TAF1B: variants seen among roughly 807,000 people sequenced by gnomAD.
TAF1B encodes TATA-box binding protein associated factor, RNA polymerase I subunit B.
In TAF1B, 61 loss-of-function variants were observed where a neutral mutation model predicts 83.9. That is an observed-to-expected ratio of 0.73 (90% CI 0.59 to 0.90). The LOEUF (loss-of-function observed/expected upper bound fraction) is 0.90, where lower values mean the gene tolerates loss of function less well. TAF1B is among the 40% of genes least tolerant of loss of function. TAF1B has a pLI of 0.00. For synonymous variants in TAF1B, 221 were observed against 224.6 expected, an observed-to-expected ratio of 0.98 and a Z score of 0.14; for missense variants, 625 against 677.0, an observed-to-expected ratio of 0.92 and a Z score of 0.85.
At chr2:9,843,621 G>C (rs1663093434) in intron 1 of TAF1B, 62 bp downstream of exon 1, 1 of 1,432,938 alleles carries the variant, frequency 7.0e-7, no homozygotes, top group Non-Finnish European at 9.2e-7. Context: ...AGAAGCTGAG[G>C]AGGAGCGGCG....
chr2:9,922,326 C>G (rs1047252657), intron 14 of TAF1B, among the ~76,000 whole-genome samples: 1 of 152,162 alleles, frequency 6.6e-6, no homozygotes, highest in African/African-American at 2.4e-5. Flanking sequence ...CTTCCCTCTG[C>G]TGTCCTCTGA....
chr2:9,855,720 C>T (rs972730142), intron 5 of TAF1B, among the ~76,000 whole-genome samples: 7 of 152,034 alleles, frequency 4.6e-5, no homozygotes, highest in Non-Finnish European at 4.4e-5. Context: ...CCCAACCTAC[C>T]GAACATCATA....
At position 9,888,676 on chromosome 2, in the gene TAF1B, A is replaced by G. The variant is rs182291853; in HGVS notation, c.807+5871A>G. Among the ~76,000 whole-genome samples, 5 of 149,698 alleles carry G rather than the reference A, an allele frequency of 3.3e-5. No homozygotes were observed. In the East Asian group the frequency reaches 5.9e-4, roughly 18 times the overall value. ...AATTCTTATCTTTACTGTTCTTTAT[A>G]TAATGTGCCTTTTTTCCTTTAGCTG... On this transcript the variant is annotated intron_variant, in intron 8 of 14. Coordinates refer to ENST00000263663, the MANE Select transcript of TAF1B (RefSeq NM_005680.3).
intron 12 of TAF1B, among the ~76,000 whole-genome samples, chr2:9,917,095 C>T (rs1206065703): frequency 6.6e-6 from 1 of 152,118 alleles, no homozygotes; most frequent in Non-Finnish European, 1.5e-5. Flanking sequence ...ATCCTCCCAC[C>T]TCAGCCTCCC....
chr2:9,864,189 A>G (rs1465537400), intron 5 of TAF1B, among the ~76,000 whole-genome samples: 3 of 152,178 alleles, frequency 2.0e-5, no homozygotes, highest in Admixed American at 1.3e-4. Flanking sequence ...AACAAAACTG[A>G]TAGACCGCTA....
At chr2:9,846,207 G>A (rs1663203025) in intron 2 of TAF1B, 1 of 446,770 alleles carries the variant, frequency 2.2e-6, no homozygotes, top group Admixed American at 2.6e-5. Context: ...TGACTTCAGT[G>A]TTCATTTTAC....
Position 9,871,731 on chromosome 2 carries a change from T to C in TAF1B, c.553+3302T>C, listed in dbSNP as rs1664173070. 1.3e-5 allele frequency among the ~76,000 whole-genome samples: 2 copies of C among 152,130 alleles called. 1 individual carries two copies. The highest frequency in any genetic ancestry group is 4.1e-4 in the South Asian group (2 of 4,832). ...ACCCCAGCATTATCATCTTTAAATC[T>C]TTTCCCCCCGAGCTGATCAGATTCC... On this transcript the variant is annotated intron_variant, in intron 6 of 14. Coordinates refer to ENST00000263663, the MANE Select transcript of TAF1B (RefSeq NM_005680.3).
At chr2:9,866,697 C>G (rs1045555029) in intron 5 of TAF1B, among the ~76,000 whole-genome samples, 1 of 152,108 alleles carries the variant, frequency 6.6e-6, no homozygotes, top group Non-Finnish European at 1.5e-5. Context: ...AAATGTCCAA[C>G]AATGATAGAC....
chr2:9,931,682 T>G (rs1025227309), intron 14 of TAF1B, among the ~76,000 whole-genome samples: 2 of 152,174 alleles, frequency 1.3e-5, no homozygotes, highest in Non-Finnish European at 2.9e-5. Flanking sequence ...TTGTGTGGTG[T>G]TCTCTGTATT....
At chr2:9,877,303 G>C (rs72782634) in intron 7 of TAF1B, among the ~76,000 whole-genome samples, 24,990 of 152,036 alleles carry the variant, frequency 0.16, 2,149 homozygotes, top group Middle Eastern at 0.29. Flanking sequence ...CTCAGAATCA[G>C]CATGACTAGA....
chr2:9,920,108 T>C (rs573865253), intron 14 of TAF1B, among the ~76,000 whole-genome samples: 1 of 152,328 alleles, frequency 6.6e-6, no homozygotes, highest in Non-Finnish European at 1.5e-5. Context: ...TATTTTTTAG[T>C]ACATATCACT....
chr2:9,888,394 C>T (rs1432848190), intron 8 of TAF1B, among the ~76,000 whole-genome samples: 1 of 151,728 alleles, frequency 6.6e-6, no homozygotes, highest in African/African-American at 2.4e-5. Context: ...TATGTGTTTG[C>T]CATTTCTGGT....
chr2:9,902,730 G>A (rs1665218028), intron 8 of TAF1B, among the ~76,000 whole-genome samples: 1 of 152,198 alleles, frequency 6.6e-6, no homozygotes, highest in Non-Finnish European at 1.5e-5. Context: ...TTATGGGCAT[G>A]CATACGCATT....
intron 8 of TAF1B, among the ~76,000 whole-genome samples, chr2:9,888,049 T>C (rs1664733469): frequency 6.6e-6 from 1 of 152,186 alleles, no homozygotes; most frequent in South Asian, 2.1e-4. Flanking sequence ...AGAGACGTGG[T>C]CTTGCAGTGA....
At chr2:9,864,508 G>T (rs142628045) in intron 5 of TAF1B, among the ~76,000 whole-genome samples, 3 of 152,126 alleles carry the variant, frequency 2.0e-5, no homozygotes, top group Non-Finnish European at 4.4e-5. Context: ...TCTACCAGAG[G>T]TATAAGGAGG....
chr2:9,871,456 TTTC>T (rs1479902513), intron 6 of TAF1B, among the ~76,000 whole-genome samples: 1 of 152,184 alleles, frequency 6.6e-6, no homozygotes. Flanking sequence ...CTGCATCCCA[TTTC>T]TTCTTTCCTG....
chr2:9,843,668 T>G, intron 1 of TAF1B, 109 bp downstream of exon 1: 3 of 1,254,438 alleles, frequency 2.4e-6, no homozygotes, highest in Non-Finnish European at 3.2e-6. Flanking sequence ...CGCCACCGGC[T>G]GGAGGAAGGC....
chr2:9,847,743 G>A (rs1370859653), intron 2 of TAF1B, among the ~76,000 whole-genome samples: 1 of 152,182 alleles, frequency 6.6e-6, no homozygotes, highest in Non-Finnish European at 1.5e-5. Flanking sequence ...CTAGACTTGT[G>A]TGAATGTAAG....
chr2:9,902,962 G>A (rs1349989243), intron 8 of TAF1B, among the ~76,000 whole-genome samples: 1 of 152,128 alleles, frequency 6.6e-6, no homozygotes, highest in Non-Finnish European at 1.5e-5. Flanking sequence ...TTTCTCGATT[G>A]TCAACTGCTT....
Sources: allele counts gnomAD v4.1 joint callset (sites outside exome capture counted in the v4.1 genomes callset), GRCh38; gene constraint gnomAD v4.1.1; transcripts MANE v1.5; gene names NCBI Gene and HGNC (gene_info 2026-07-23, HGNC 2026-07-21).